Variants in GPHN observed in about 807,000 individuals in gnomAD.
GPHN encodes the protein gephyrin.
In GPHN, 17 loss-of-function variants were observed where a neutral mutation model predicts 95.5. The ratio of observed to expected loss-of-function variants is 0.18; its 90% confidence interval spans 0.12 to 0.27. The LOEUF (loss-of-function observed/expected upper bound fraction) is 0.27, where lower values mean the gene tolerates loss of function less well. Among genes scored for constraint, GPHN ranks in the 10% least tolerant of loss-of-function variants. GPHN has a pLI of 1.00. For synonymous variants in GPHN, 320 were observed against 322.5 expected (o/e 0.99, Z 0.08); for missense variants, 660 against 978.1 (o/e 0.67, Z 4.34).
At chr14:66,757,997 C>CG (rs2058624781) in intron 2 of GPHN, among the ~76,000 whole-genome samples, 1 of 152,084 alleles carries the variant, frequency 6.6e-6, no homozygotes, top group South Asian at 2.1e-4. Flanking sequence ...GAAAATTCCC[C>CG]GTGTAGCTGG....
chr14:66,544,902 G>C (rs989581593), intron 1 of GPHN, among the ~76,000 whole-genome samples: 4 of 152,034 alleles, frequency 2.6e-5, no homozygotes, highest in Admixed American at 6.5e-5. Context: ...CACAGGGTTG[G>C]GGGTAAGGTC....
chr14:67,001,995 A>G (rs1376392185), intron 9 of GPHN, among the ~76,000 whole-genome samples: 3 of 151,546 alleles, frequency 2.0e-5, no homozygotes, highest in South Asian at 2.1e-4. Flanking sequence ...AGAATTATCA[A>G]TTTTCCCTGG....
intron 1 of GPHN, among the ~76,000 whole-genome samples, chr14:66,533,369 G>T (rs2139974082): frequency 6.6e-6 from 1 of 152,276 alleles, no homozygotes; most frequent in South Asian, 2.1e-4. Flanking sequence ...TGATTTCCAG[G>T]TTTGACTTAG....
intron 10 of GPHN, among the ~76,000 whole-genome samples, chr14:67,028,587 G>A (rs2074037891): frequency 6.6e-6 from 1 of 151,798 alleles, no homozygotes; most frequent in Non-Finnish European, 1.5e-5. Flanking sequence ...ATTTCATTAT[G>A]GTTTTGATTT....
intron 10 of GPHN, among the ~76,000 whole-genome samples, chr14:67,047,486 C>T (rs1475445393): frequency 6.6e-6 from 1 of 151,660 alleles, no homozygotes; most frequent in African/African-American, 2.4e-5. Flanking sequence ...GTGCCTCAGC[C>T]TTCTGAGTAG....
chr14:67,525,251 T>G, the GPHN span, among the ~76,000 whole-genome samples: 1 of 152,216 alleles, frequency 6.6e-6, no homozygotes, highest in Non-Finnish European at 1.5e-5. Flanking sequence ...TAGTTATATG[T>G]ATACAGTTTT....
chr14:66,868,515 T>C (rs892744820), intron 4 of GPHN, among the ~76,000 whole-genome samples: 2 of 151,992 alleles, frequency 1.3e-5, no homozygotes, highest in Non-Finnish European at 2.9e-5. Flanking sequence ...TACCTCAGGC[T>C]CTTGAGTAGC....
At chr14:66,890,049 G>A (rs2064394671) in intron 5 of GPHN, among the ~76,000 whole-genome samples, 1 of 152,126 alleles carries the variant, frequency 6.6e-6, no homozygotes, top group African/African-American at 2.4e-5. Context: ...AAAACCTACT[G>A]AGACTGAATC....
the GPHN span, among the ~76,000 whole-genome samples, chr14:67,543,450 A>T: frequency 6.6e-6 from 1 of 152,238 alleles, no homozygotes; most frequent in Non-Finnish European, 1.5e-5. Flanking sequence ...AGGAAAGGGC[A>T]GCAGACCTTA....
the GPHN span, among the ~76,000 whole-genome samples, chr14:67,339,372 A>T: frequency 2.6e-5 from 4 of 152,076 alleles, no homozygotes; most frequent in African/African-American, 4.8e-5. Context: ...GCATTTTTTT[A>T]AAATTTTGGC....
At chr14:67,254,786 C>T in the GPHN span, among the ~76,000 whole-genome samples, 1 of 152,188 alleles carries the variant, frequency 6.6e-6, no homozygotes, top group African/African-American at 2.4e-5. Flanking sequence ...TAGAGGTAAT[C>T]ATCTACTAAT....
chr14:67,264,744 G>C, the GPHN span, among the ~76,000 whole-genome samples: 1 of 152,084 alleles, frequency 6.6e-6, no homozygotes. Flanking sequence ...CAAAGCCATT[G>C]TATGGCCTAG....
chr14:67,648,284 A>G, the GPHN span: 365,652 of 1,362,416 alleles, frequency 0.27, 55,030 homozygotes, highest in Non-Finnish European at 0.31. Flanking sequence ...ATCATTGCAG[A>G]GTTTGTTTTT....
intron 2 of GPHN, among the ~76,000 whole-genome samples, chr14:66,763,208 A>G (rs936908288): frequency 6.9e-6 from 1 of 145,602 alleles, no homozygotes; most frequent in Non-Finnish European, 1.5e-5. Context: ...TATTACAACT[A>G]TTTTTTTTTT....
intron 1 of GPHN, among the ~76,000 whole-genome samples, chr14:66,620,500 CCTCATGAGAA>C (rs1436033754): frequency 6.6e-6 from 1 of 152,068 alleles, no homozygotes; most frequent in Non-Finnish European, 1.5e-5. Context: ...AACCATCAGA[CCTCATGAGAA>C]CTCATTCATT....
chr14:66,694,090 T>G (rs2067962427), intron 2 of GPHN, among the ~76,000 whole-genome samples: 2 of 152,144 alleles, frequency 1.3e-5, no homozygotes, highest in Admixed American at 1.3e-4. Flanking sequence ...TGCCCAGAAT[T>G]CATATGTTGA....
chr14:67,618,117 G>T, the GPHN span, among the ~76,000 whole-genome samples: 7 of 152,234 alleles, frequency 4.6e-5, no homozygotes, highest in Non-Finnish European at 1.0e-4. Context: ...AAAATTGAAT[G>T]TAGTGATGGG....
the GPHN span, chr14:67,642,447 T>A: frequency 6.8e-7 from 1 of 1,465,112 alleles, no homozygotes; most frequent in Non-Finnish European, 9.2e-7. Flanking sequence ...TGTTTCTTCA[T>A]CTGGAGAAAA....
At chr14:66,573,109 G>A (rs1302288244) in intron 1 of GPHN, among the ~76,000 whole-genome samples, 1 of 152,088 alleles carries the variant, frequency 6.6e-6, no homozygotes, top group Non-Finnish European at 1.5e-5. Flanking sequence ...TTATTTTGTG[G>A]GCTAACATAT....
Sources: allele counts gnomAD v4.1 joint callset (sites outside exome capture counted in the v4.1 genomes callset), GRCh38; gene constraint gnomAD v4.1.1; transcripts MANE v1.5; gene names NCBI Gene and HGNC (gene_info 2026-07-23, HGNC 2026-07-21).